Variants in MAF observed in about 807,000 individuals in gnomAD.
MAF encodes transcription factor Maf.
MAF carries 10 observed loss-of-function variants against 22.0 expected under a neutral mutation model. The observed-to-expected ratio is 0.45, with a 90% CI of 0.28 to 0.77. MAF has a LOEUF of 0.77. MAF is among the 30% of genes least tolerant of loss of function. MAF has a pLI of 0.12. For missense variants in MAF, 544 were observed against 548.4 expected (o/e 0.99, Z 0.08); for synonymous variants, 337 against 255.8 (o/e 1.32, Z -3.03).
At chr16:79,499,304 G>A in the MAF span, among the ~76,000 whole-genome samples, 11 of 152,130 alleles carry the variant, frequency 7.2e-5, no homozygotes, top group Non-Finnish European at 1.3e-4. Context: ...GAATGAAGGA[G>A]TAAGCACCAT....
chr16:79,216,814 T>TG, the MAF span, among the ~76,000 whole-genome samples: 1 of 150,574 alleles, frequency 6.6e-6, no homozygotes, highest in East Asian at 1.9e-4. Context: ...TCTGCTACTT[T>TG]TTTTTTTTTT....
At chr16:79,487,321 G>A in the MAF span, among the ~76,000 whole-genome samples, 2 of 152,078 alleles carry the variant, frequency 1.3e-5, no homozygotes, top group South Asian at 2.1e-4. Context: ...AGGCATCGAC[G>A]GAAAGCAGCC....
chr16:79,548,955 T>G, the MAF span, among the ~76,000 whole-genome samples: 2 of 152,356 alleles, frequency 1.3e-5, no homozygotes, highest in South Asian at 2.1e-4. Context: ...ACCTCTGGGA[T>G]GATGACATCT....
chr16:79,476,550 T>C, the MAF span, among the ~76,000 whole-genome samples: 1 of 152,232 alleles, frequency 6.6e-6, no homozygotes, highest in Non-Finnish European at 1.5e-5. Flanking sequence ...GCTCCTTTCT[T>C]GCATTGTGGT....
chr16:79,558,453 T>G, the MAF span, among the ~76,000 whole-genome samples: 1 of 152,218 alleles, frequency 6.6e-6, no homozygotes, highest in Non-Finnish European at 1.5e-5. Flanking sequence ...TGATCATAGT[T>G]CAGTCCTCTA....
the MAF span, among the ~76,000 whole-genome samples, chr16:79,470,297 G>C: frequency 6.6e-6 from 1 of 152,112 alleles, no homozygotes; most frequent in Non-Finnish European, 1.5e-5. Context: ...CAATGAGGAC[G>C]CCCATCCGCC....
chr16:79,272,128 C>T, the MAF span, among the ~76,000 whole-genome samples: 3 of 152,098 alleles, frequency 2.0e-5, no homozygotes, highest in South Asian at 2.1e-4. Context: ...GGGCAGCAGG[C>T]GGGGGCCCCC....
the MAF span, among the ~76,000 whole-genome samples, chr16:79,523,134 A>G: frequency 6.6e-6 from 1 of 152,292 alleles, no homozygotes; most frequent in East Asian, 1.9e-4. Flanking sequence ...GTTGGTCAAT[A>G]CTGTTTGATA....
At chr16:79,246,448 A>AC in the MAF span, among the ~76,000 whole-genome samples, 1 of 146,850 alleles carries the variant, frequency 6.8e-6, no homozygotes, top group Non-Finnish European at 1.5e-5. Context: ...AAACACAAGG[A>AC]CCCCCTCACA....
the MAF span, among the ~76,000 whole-genome samples, chr16:79,216,761 T>C: frequency 6.6e-6 from 1 of 152,142 alleles, no homozygotes; most frequent in Admixed American, 6.5e-5. Context: ...CATATATGTG[T>C]GTATTTGTAG....
chr16:79,417,719 T>G, the MAF span, among the ~76,000 whole-genome samples: 1 of 152,178 alleles, frequency 6.6e-6, no homozygotes, highest in African/African-American at 2.4e-5. Flanking sequence ...TGCTTGGCTG[T>G]CAGAGTGTTT....
At chr16:79,536,888 T>C in the MAF span, among the ~76,000 whole-genome samples, 1 of 152,212 alleles carries the variant, frequency 6.6e-6, no homozygotes, top group African/African-American at 2.4e-5. Context: ...GACTTGACCA[T>C]TCATGGATTT....
chr16:79,243,462 C>T, the MAF span, among the ~76,000 whole-genome samples: 5 of 151,994 alleles, frequency 3.3e-5, no homozygotes, highest in African/African-American at 1.2e-4. Flanking sequence ...ACTAGAAAAT[C>T]CACAAGAAAT....
chr16:79,545,069 C>T, the MAF span, among the ~76,000 whole-genome samples: 1 of 152,152 alleles, frequency 6.6e-6, no homozygotes, highest in Admixed American at 6.5e-5. Context: ...CAAGAAGACA[C>T]TCAGCATGCA....
chr16:79,492,215 T>C, the MAF span, among the ~76,000 whole-genome samples: 1 of 152,064 alleles, frequency 6.6e-6, no homozygotes, highest in Non-Finnish European at 1.5e-5. Context: ...ACATGAAGAA[T>C]GCAGGCAGGG....
chr16:79,310,187 A>C, the MAF span, among the ~76,000 whole-genome samples: 1 of 152,168 alleles, frequency 6.6e-6, no homozygotes, highest in African/African-American at 2.4e-5. Flanking sequence ...CCTTTTGTGC[A>C]TGAGGTCAAT....
chr16:79,311,601 G>C, the MAF span, among the ~76,000 whole-genome samples: 5 of 152,058 alleles, frequency 3.3e-5, no homozygotes, highest in African/African-American at 9.7e-5. Context: ...GCTGGAAAGA[G>C]AGGCAGGCAG....
the MAF span, among the ~76,000 whole-genome samples, chr16:79,332,941 C>T: frequency 6.6e-6 from 1 of 152,186 alleles, no homozygotes; most frequent in Non-Finnish European, 1.5e-5. Flanking sequence ...ACTTTAAAGT[C>T]CATGGTGTCT....
chr16:79,476,472 C>T, the MAF span, among the ~76,000 whole-genome samples: 2 of 152,158 alleles, frequency 1.3e-5, no homozygotes, highest in African/African-American at 4.8e-5. Context: ...AAGTGTGCAT[C>T]GACATTTGAA....
Sources: allele counts gnomAD v4.1 joint callset (sites outside exome capture counted in the v4.1 genomes callset), GRCh38; gene constraint gnomAD v4.1.1; transcripts MANE v1.5; gene names NCBI Gene and HGNC (gene_info 2026-07-23, HGNC 2026-07-21).